GET3: variants seen among roughly 807,000 people sequenced by gnomAD.
GET3 encodes the protein ATPase GET3.
In GET3, 15 loss-of-function variants were observed where a neutral mutation model predicts 32.4. The ratio of observed to expected loss-of-function variants is 0.46; its 90% confidence interval spans 0.31 to 0.71. The LOEUF (loss-of-function observed/expected upper bound fraction) is 0.71. Ranked by LOEUF, GET3 falls within the 30% of genes least tolerant of loss-of-function variation. GET3 has a pLI of 0.05. For missense variants in GET3, 333 were observed against 459.0 expected (o/e 0.73, Z 2.51); for synonymous variants, 198 against 185.6 (o/e 1.07, Z -0.54).
rs773919937 is a variant in GET3, at chr19:12,737,534, T to A, written c.29T>A (p.Val10Asp). Reference sequence around the variant, plus strand: ...GCGGCAGGGGTGGCCGGGTGGGGGGTTGAGGCAGAGGAGTTCGAAGATGCT... The same window carrying A: ...GCGGCAGGGGTGGCCGGGTGGGGGGATGAGGCAGAGGAGTTCGAAGATGCT... MAAGVAGWG[V>D]EAEEFEDAPD... Residue 10 changes from valine (V) to aspartate (D), a missense_variant, in exon 1 of 7, where the codon GTT becomes GAT. Physicochemically the swap from Val to Asp is radical, Grantham distance 152. Transcript: ENST00000357332. 4 of 1,571,380 alleles carry A rather than the reference T, an allele frequency of 2.5e-6. No homozygotes were observed. Among genetic ancestry groups the A allele is most frequent in the South Asian group, 2.3e-5 (2 of 85,568 alleles).
At chr19:12,739,960 C>A (rs1404819095) in intron 2 of GET3, among the ~76,000 whole-genome samples, 1 of 151,158 alleles carries the variant, frequency 6.6e-6, no homozygotes, top group Non-Finnish European at 1.5e-5. Flanking sequence ...GTAGGAGAAT[C>A]GCTAGAACCC....
chr19:12,738,993 C>T (rs560613573), intron 2 of GET3, among the ~76,000 whole-genome samples: 1 of 152,234 alleles, frequency 6.6e-6, no homozygotes, highest in African/African-American at 2.4e-5. Context: ...AGGGCAATGT[C>T]GTGGCCAAAT....
Position 12,745,307 on chromosome 19 carries a change from G to A in GET3, c.310-70G>A. The A allele has an allele frequency of 6.4e-7, 1 of 1,568,156 alleles. No homozygotes were observed. Among genetic ancestry groups the A allele is most frequent in the Non-Finnish European group, 8.6e-7 (1 of 1,159,378 alleles). On this transcript the variant is annotated intron_variant, in intron 2 of 6. Coordinates refer to ENST00000357332, the MANE Select transcript of GET3 (RefSeq NM_004317.4). The surrounding 1 kb of genome is among the most constrained non-coding windows in gnomAD (Gnocchi z 5.0). ...TGCCCGGGTAGGAAGGCTCCCCCTG[G>A]CCCTGTGCCCAGGTGGGAAGGCTCC...
In GET3 at chr19:12,747,359, AC is replaced by A. The variant is rs770813930; in HGVS notation, c.718-32del. The A allele has an allele frequency of 3.1e-6, 5 of 1,612,086 alleles. No individual in the cohort carries two copies. In the Admixed American group the frequency reaches 8.3e-5, roughly 27 times the overall value. ...GCCCGGGGGCTGAGGACAGGGGCAG[AC>A]CCCGCCCCTCACTGTCCTCTCTCGT... On this transcript the variant is annotated intron_variant, in intron 5 of 6. Transcript: ENST00000357332. This position sits in a 1 kb window ranked among gnomAD's most constrained non-coding sequence, Gnocchi z 4.0.
At position 12,747,862 on chromosome 19, in the gene GET3, T is replaced by A; in HGVS notation, c.916-111T>A. ...GACACCTTAAGCTCCTGCCCTATATTCTCTCCCTGACTCTGGAAGCTTTCT... is the reference window on the plus strand; with the variant it reads ...GACACCTTAAGCTCCTGCCCTATATACTCTCCCTGACTCTGGAAGCTTTCT... On this transcript the variant is annotated intron_variant, in intron 6 of 6. Transcript: ENST00000357332. This position sits in a 1 kb window ranked among gnomAD's most constrained non-coding sequence, Gnocchi z 4.0. The A allele has an allele frequency of 1.6e-6, 2 of 1,220,072 alleles. No individual in the cohort carries two copies. Among genetic ancestry groups the A allele is most frequent in the Non-Finnish European group, 2.3e-6 (2 of 867,686 alleles). 75.6% of individuals were successfully genotyped at this position (1,220,072 alleles called of 1,614,324 possible).
Position 12,747,335 on chromosome 19 carries a change from C to T in GET3, c.717+31C>T, listed in dbSNP as rs764566901. ...TGGTGGTCTGGCTGGCGGTGAGAGG[C>T]CCGGGGGCTGAGGACAGGGGCAGAC... On this transcript the variant is annotated intron_variant, in intron 5 of 6. Coordinates refer to ENST00000357332, the MANE Select transcript of GET3 (RefSeq NM_004317.4). This position sits in a 1 kb window ranked among gnomAD's most constrained non-coding sequence, Gnocchi z 4.0. 6.2e-7 allele frequency: 1 copy of T among 1,610,020 alleles called. No homozygotes were observed. Among genetic ancestry groups the T allele is most frequent in the South Asian group, 1.1e-5 (1 of 90,882 alleles).
Position 12,747,875 on chromosome 19 carries a change from C to G in GET3, c.916-98C>G. Reference sequence around the variant, plus strand: ...CCTGCCCTATATTCTCTCCCTGACTCTGGAAGCTTTCTAGCTTTACCGCTT... The same window carrying G: ...CCTGCCCTATATTCTCTCCCTGACTGTGGAAGCTTTCTAGCTTTACCGCTT... On this transcript the variant is annotated intron_variant, in intron 6 of 6. Transcript: ENST00000357332. The surrounding 1 kb of genome is among the most constrained non-coding windows in gnomAD (Gnocchi z 4.0). The G allele has an allele frequency of 1.5e-6, 2 of 1,325,416 alleles. No individual in the cohort carries two copies. The highest frequency in any genetic ancestry group is 4.6e-5 in the East Asian group (2 of 43,064). The allele number at this position is 1,325,416 out of a possible 1,614,324, so 82.1% of individuals were successfully genotyped here. A position where few individuals can be genotyped will look rare whatever the true frequency, so the allele number is the denominator to read the frequency against.
chr19:12,741,455 CAA>C (rs796692368), intron 2 of GET3, among the ~76,000 whole-genome samples: 1 of 139,242 alleles, frequency 7.2e-6, no homozygotes. Flanking sequence ...GACTCCATCT[CAA>C]AAAAAAAAAT....
chr19:12,739,274 GCTC>G (rs1967624234), intron 2 of GET3, among the ~76,000 whole-genome samples: 1 of 151,944 alleles, frequency 6.6e-6, no homozygotes, highest in African/African-American at 2.4e-5. Flanking sequence ...TTCAAGCAAT[GCTC>G]CTGCCTCAGC....
rs764731543 is a variant in GET3, at chr19:12,747,214, C to T, written c.627C>T (p.Gly209=). ...PFISQMCNML[G]LGDMNADQLA... is the part of the protein sequence containing the mutation. ...CCCTGCAGATGTGCAACATGCTGGG[C>T]CTGGGGGACATGAACGCAGACCAGC... The change falls in exon 5 of 7, where the codon GGC becomes GGT. Residue 209 remains glycine, a synonymous_variant. Transcript: ENST00000357332. The surrounding 1 kb of genome is among the most constrained non-coding windows in gnomAD (Gnocchi z 4.0). 1.4e-5 allele frequency: 22 copies of T among 1,608,026 alleles called. No homozygotes were observed. Among genetic ancestry groups the T allele is most frequent in the Non-Finnish European group, 1.9e-5 (22 of 1,177,122 alleles).
At chr19:12,740,507 T>G (rs1967648049) in intron 2 of GET3, among the ~76,000 whole-genome samples, 1 of 151,266 alleles carries the variant, frequency 6.6e-6, no homozygotes, top group Non-Finnish European at 1.5e-5. Flanking sequence ...AAACCTCATC[T>G]CTACTAAAAA....
At chr19:12,738,449 G>A in intron 1 of GET3, 62 bp from the exon 2 acceptor site, 1 of 1,596,924 alleles carries the variant, frequency 6.3e-7, no homozygotes. Flanking sequence ...CACTCCCCTT[G>A]CAGACCCAGG....
rs1802250 is a variant in GET3, at chr19:12,748,145, C to G, written c.*41C>G. 1 of 1,540,228 alleles carries G rather than the reference C, an allele frequency of 6.5e-7. No individual in the cohort carries two copies. Among genetic ancestry groups the G allele is most frequent in the South Asian group, 1.2e-5 (1 of 81,974 alleles). On this transcript the variant is annotated 3_prime_UTR_variant, in exon 7 of 7. Coordinates refer to ENST00000357332, the MANE Select transcript of GET3 (RefSeq NM_004317.4). ...CAACCGCTGCCATTTCACACTCACC[C>G]TCCACCCTCCCCACCCCCTCGGGGC...
chr19:12,737,710 C>T (rs773905201), intron 1 of GET3, 44 bp downstream of exon 1: 2 of 1,560,476 alleles, frequency 1.3e-6, no homozygotes, highest in Non-Finnish European at 1.7e-6. Flanking sequence ...TAGGATATAC[C>T]ACTGGGCGAA....
In GET3 at chr19:12,737,676, C is replaced by A; in HGVS notation, c.161+10C>A. 1 of 1,604,438 alleles carries A rather than the reference C, an allele frequency of 6.2e-7. No homozygotes were observed. On this transcript the variant is annotated intron_variant, in intron 1 of 6. Coordinates refer to ENST00000357332, the MANE Select transcript of GET3 (RefSeq NM_004317.4). ...GCAAGACCACCTGCAGGTAAGGAGG[C>A]TGCGGCGGGGGCCAGGAGGCGTGTA...
chr19:12,740,636 C>A (rs1467060712), intron 2 of GET3, among the ~76,000 whole-genome samples: 1 of 152,142 alleles, frequency 6.6e-6, no homozygotes, highest in Non-Finnish European at 1.5e-5. Context: ...GAGATCGCGC[C>A]ACTGCTTTAC....
chr19:12,738,103 G>A (rs1023829089), intron 1 of GET3, among the ~76,000 whole-genome samples: 15 of 152,156 alleles, frequency 9.9e-5, no homozygotes, highest in South Asian at 2.1e-4. Flanking sequence ...CAGGCAGGAG[G>A]TGTCCGTTGG....
intron 2 of GET3, among the ~76,000 whole-genome samples, chr19:12,743,773 G>A (rs1967717074): frequency 9.0e-6 from 1 of 111,500 alleles, no homozygotes; most frequent in South Asian, 3.3e-4. Flanking sequence ...CTGTCGCCCA[G>A]GCTGGAGTGC....
At chr19:12,740,531 G>T (rs148101492) in intron 2 of GET3, among the ~76,000 whole-genome samples, 2,258 of 151,522 alleles carry the variant, frequency 0.015, 60 homozygotes, top group African/African-American at 0.052. Context: ...AAAAAAATTA[G>T]CCAGGTATGG....
Sources: allele counts gnomAD v4.1 joint callset (sites outside exome capture counted in the v4.1 genomes callset), GRCh38; gene constraint gnomAD v4.1.1; non-coding constraint Gnocchi (gnomAD v3.1); transcripts MANE v1.5; gene names NCBI Gene and HGNC (gene_info 2026-07-23, HGNC 2026-07-21).